Variants in AGO4 observed in about 807,000 individuals in gnomAD.
The protein encoded by AGO4 is argonaute RISC component 4, also known as protein argonaute-4.
Under a neutral mutation model 104.7 loss-of-function variants are expected in AGO4, and 33 were observed. That is an observed-to-expected ratio of 0.32 (90% confidence interval 0.24 to 0.42). The LOEUF is 0.42. Ranked by LOEUF, AGO4 falls within the 10% of genes least tolerant of loss-of-function variation. The probability of loss-of-function intolerance (pLI) is 1.00; values close to 1 mark genes in which losing one functional copy is unlikely to be tolerated. For synonymous variants in AGO4, 331 were observed against 364.7 expected (o/e 0.91, Z 1.05); for missense variants, 711 against 1,083.4 (o/e 0.66, Z 4.83).
intron 7 of AGO4, among the ~76,000 whole-genome samples, chr1:35,831,014 G>A (rs1459006937): frequency 6.7e-6 from 1 of 148,248 alleles, no homozygotes; most frequent in East Asian, 2.0e-4. Context: ...GTTTTTTTAA[G>A]TGACTGATGA....
At chr1:35,837,620 TC>T (rs1644345729) in intron 13 of AGO4, among the ~76,000 whole-genome samples, 1 of 152,218 alleles carries the variant, frequency 6.6e-6, no homozygotes, top group East Asian at 1.9e-4. Context: ...GCTCAAACAG[TC>T]CTCCTGGCTC....
chr1:35,821,558 A>G (rs1643886280), intron 2 of AGO4, among the ~76,000 whole-genome samples: 2 of 152,218 alleles, frequency 1.3e-5, no homozygotes, highest in African/African-American at 4.8e-5. Context: ...GCCTGCATAC[A>G]GTGTGATCTG....
chr1:35,810,234 A>AC (rs1290545691), intron 1 of AGO4, among the ~76,000 whole-genome samples: 1 of 152,226 alleles, frequency 6.6e-6, no homozygotes, highest in South Asian at 2.1e-4. Context: ...GTGTTGCAGT[A>AC]CCTTGGAAAC....
chr1:35,831,031 G>A (rs1644171425), intron 7 of AGO4, among the ~76,000 whole-genome samples: 1 of 151,160 alleles, frequency 6.6e-6, no homozygotes, highest in African/African-American at 2.4e-5. Flanking sequence ...ATGAAGGTAG[G>A]AATTATTAGT....
At chr1:35,827,609 T>C (rs636671) in intron 7 of AGO4, among the ~76,000 whole-genome samples, 101,565 of 152,024 alleles carry the variant, frequency 0.67, 38,513 homozygotes, top group Non-Finnish European at 0.87. Flanking sequence ...TTTTAAAACA[T>C]TTTCTGAATA....
chr1:35,848,632 A>G (rs1644629887), intron 15 of AGO4, among the ~76,000 whole-genome samples: 1 of 151,606 alleles, frequency 6.6e-6, no homozygotes, highest in African/African-American at 2.4e-5. Flanking sequence ...ATGTAGAACC[A>G]GAGAGTTTTT....
Position 35,825,776 on chromosome 1 carries a change from G to A in AGO4, c.586G>A (p.Val196Met), listed in dbSNP as rs1202315707. ...GGTCTGGTTTGGTTTTCATCAGTCT[G>A]TGAGACCTGCCATGTGGAATATGAT... ...REVWFGFHQS[V>M]RPAMWNMMLN... is the part of the protein sequence containing the mutation. Residue 196 changes from valine (V) to methionine (M), a missense_variant, in exon 5 of 18, where the codon GTG (valine) becomes ATG (methionine). Around this residue, in one of 3 missense-constraint regions of AGO4, gnomAD observed 308 missense variants for 397.8 expected, o/e 0.77. Transcript: ENST00000373210. The A allele has an allele frequency of 1.9e-6, 3 of 1,595,860 alleles. No individual in the cohort carries two copies. The highest frequency in any genetic ancestry group is 2.6e-6 in the Non-Finnish European group (3 of 1,173,104).
chr1:35,809,275 T>C (rs12044656), intron 1 of AGO4, among the ~76,000 whole-genome samples: 1,599 of 152,336 alleles, frequency 0.01, 18 homozygotes, highest in African/African-American at 0.034. Context: ...GTCCTGAGTA[T>C]TGGGGCCTGG....
At chr1:35,849,128 A>G (rs138299183) in intron 15 of AGO4, among the ~76,000 whole-genome samples, 61 of 152,254 alleles carry the variant, frequency 4.0e-4, no homozygotes, top group African/African-American at 1.4e-3. Context: ...CTTGTAATCC[A>G]TTTCTGAAGT....
rs1295122536 is a variant in AGO4 at position 35,809,588 on chromosome 1, T to C, written c.19+1153T>C. Among the ~76,000 whole-genome samples, 3 of 152,210 alleles carry C rather than the reference T, an allele frequency of 2.0e-5. No homozygotes were observed. The East Asian group carries it at 5.8e-4, about 29-fold the overall frequency. On this transcript the variant is annotated intron_variant, in intron 1 of 17. Coordinates refer to ENST00000373210, the MANE Select transcript of AGO4 (RefSeq NM_017629.4). ...ATTTCATATGCCTTTTAAAAATAAA[T>C]TGGCTTGCCGCATTAATATTGTTTG...
chr1:35,852,413 A>G (rs904064937), intron 17 of AGO4, among the ~76,000 whole-genome samples: 1 of 152,192 alleles, frequency 6.6e-6, no homozygotes, highest in Non-Finnish European at 1.5e-5. Flanking sequence ...TAGTATGTTT[A>G]GAAGTTGTTG....
chr1:35,810,724 A>G (rs1643472733), intron 1 of AGO4, among the ~76,000 whole-genome samples: 1 of 152,118 alleles, frequency 6.6e-6, no homozygotes, highest in Non-Finnish European at 1.5e-5. Context: ...GGGTCATTTG[A>G]CTTCTAATCT....
At chr1:35,844,739 C>T (rs1215160756) in intron 15 of AGO4, among the ~76,000 whole-genome samples, 2 of 152,292 alleles carry the variant, frequency 1.3e-5, no homozygotes, top group Middle Eastern at 3.4e-3. Context: ...TTCAAAACGT[C>T]ACTCTTTCGT....
At chr1:35,849,575 T>C (rs1209145953) in intron 15 of AGO4, among the ~76,000 whole-genome samples, 1 of 147,342 alleles carries the variant, frequency 6.8e-6, no homozygotes, top group Non-Finnish European at 1.5e-5. Flanking sequence ...TAGCCCCCGC[T>C]ACTCAGGAGG....
chr1:35,818,144 A>G (rs1362288368), intron 2 of AGO4, among the ~76,000 whole-genome samples: 1 of 152,238 alleles, frequency 6.6e-6, no homozygotes, highest in African/African-American at 2.4e-5. Flanking sequence ...AGATTTATAT[A>G]TGAATGAATA....
At position 35,808,067 on chromosome 1, in the gene AGO4, G is replaced by C. The variant is rs1257677114; in HGVS notation, c.-350G>C. On this transcript the variant is annotated 5_prime_UTR_variant, in exon 1 of 18. Transcript: ENST00000373210. This position sits in a 1 kb window ranked among gnomAD's most constrained non-coding sequence, Gnocchi z 5.2. ...CGGGCTCTGTGGACCCCGCGCCCGG[G>C]GCCGCGCACGCCCCCTCCGCCCGCC... 1 of 149,224 alleles carries C rather than the reference G, an allele frequency of 6.7e-6. No individual in the cohort carries two copies. The highest frequency in any genetic ancestry group is 2.4e-5 in the African/African-American group (1 of 41,046). 9.2% of individuals were successfully genotyped at this position (149,224 alleles called of 1,614,324 possible). A position where few individuals can be genotyped will look rare whatever the true frequency, so the allele number is the denominator to read the frequency against.
At chr1:35,827,790 C>T (rs199909249) in intron 7 of AGO4, among the ~76,000 whole-genome samples, 8 of 103,806 alleles carry the variant, frequency 7.7e-5, no homozygotes, top group African/African-American at 1.4e-4. Context: ...TGTTGTTATT[C>T]TTTTTTTTTT....
At chr1:35,849,054 G>A (rs915831693) in intron 15 of AGO4, among the ~76,000 whole-genome samples, 3 of 152,182 alleles carry the variant, frequency 2.0e-5, no homozygotes, top group African/African-American at 4.8e-5. Flanking sequence ...AAAGAAATGT[G>A]TTCATACTGA....
intron 15 of AGO4, among the ~76,000 whole-genome samples, chr1:35,849,121 G>A (rs1434978120): frequency 6.6e-6 from 1 of 152,098 alleles, no homozygotes; most frequent in African/African-American, 2.4e-5. Context: ...TCCTTCCCTT[G>A]TAATCCATTT....
Sources: allele counts gnomAD v4.1 joint callset (sites outside exome capture counted in the v4.1 genomes callset), GRCh38; gene constraint gnomAD v4.1.1; regional missense constraint gnomAD v4.1.1; non-coding constraint Gnocchi (gnomAD v3.1); transcripts MANE v1.5; gene names NCBI Gene and HGNC (gene_info 2026-07-23, HGNC 2026-07-21).